ADAMTSL1: variants seen among roughly 807,000 people sequenced by gnomAD.
ADAMTSL1 encodes ADAMTS-like protein 1.
In ADAMTSL1, 126 loss-of-function variants were observed where a neutral mutation model predicts 201.8. The observed-to-expected ratio is 0.62, with a 90% confidence interval of 0.54 to 0.72. The LOEUF is 0.72. Among genes scored for constraint, ADAMTSL1 ranks in the 30% least tolerant of loss-of-function variants. The probability of loss-of-function intolerance (pLI) is 0.00; values close to 1 mark genes in which losing one functional copy is unlikely to be tolerated. For synonymous variants in ADAMTSL1, 1,121 were observed against 903.4 expected (o/e 1.24, Z -4.32); for missense variants, 2,679 against 2,277.8 (o/e 1.18, Z -3.59).
At chr9:18,275,955 G>A (rs1832571355) in intron 2 of ADAMTSL1, among the ~76,000 whole-genome samples, 1 of 151,976 alleles carries the variant, frequency 6.6e-6, no homozygotes, top group African/African-American at 2.4e-5. Flanking sequence ...TTCAAAAGTG[G>A]ATGTGCCATC....
At chr9:18,775,921 T>C in intron 18 of ADAMTSL1, 25 bp downstream of exon 18, 2 of 1,573,856 alleles carry the variant, frequency 1.3e-6, no homozygotes, top group South Asian at 2.3e-5. Context: ...GCTCTGGGAA[T>C]GGGGAGATGA....
chr9:18,883,806 C>T (rs1208388457), intron 23 of ADAMTSL1, among the ~76,000 whole-genome samples: 2 of 152,174 alleles, frequency 1.3e-5, no homozygotes, highest in Non-Finnish European at 2.9e-5. Context: ...TTTTGTTTAT[C>T]TACCCATTGA....
At chr9:18,877,335 G>T (rs1182814599) in intron 23 of ADAMTSL1, among the ~76,000 whole-genome samples, 3 of 152,112 alleles carry the variant, frequency 2.0e-5, no homozygotes, top group Non-Finnish European at 4.4e-5. Flanking sequence ...TTGTTTTTCT[G>T]GTTCCTTTTC....
intron 1 of ADAMTSL1, among the ~76,000 whole-genome samples, chr9:17,924,049 G>A (rs1310025977): frequency 8.0e-5 from 11 of 138,016 alleles, no homozygotes; most frequent in African/African-American, 3.0e-4. Flanking sequence ...GAGGATTTTT[G>A]CATCAATGTT....
chr9:18,434,915 T>A (rs1819657995), intron 2 of ADAMTSL1, among the ~76,000 whole-genome samples: 1 of 152,180 alleles, frequency 6.6e-6, no homozygotes, highest in Non-Finnish European at 1.5e-5. Flanking sequence ...GGTGTCTAAG[T>A]CAACTACTAG....
intron 15 of ADAMTSL1, among the ~76,000 whole-genome samples, chr9:18,746,076 C>T (rs532289455): frequency 1.3e-5 from 2 of 152,308 alleles, no homozygotes; most frequent in African/African-American, 2.4e-5. Flanking sequence ...AAGGCTGAGC[C>T]CTGGACATAC....
chr9:18,147,463 A>G (rs1826694633), intron 1 of ADAMTSL1, among the ~76,000 whole-genome samples: 1 of 152,086 alleles, frequency 6.6e-6, no homozygotes, highest in Non-Finnish European at 1.5e-5. Flanking sequence ...CAGCTCATTC[A>G]CTGCTTGGAA....
rs1830448498 is a variant in ADAMTSL1 at position 18,908,724 on chromosome 9, T to C, written c.*176T>C. 1 of 569,864 alleles carries C rather than the reference T, an allele frequency of 1.8e-6. No homozygotes were observed. The highest frequency in any genetic ancestry group is 1.9e-5 in the African/African-American group (1 of 52,724). 35.3% of individuals were successfully genotyped at this position (569,864 alleles called of 1,614,324 possible). A position where few individuals can be genotyped will look rare whatever the true frequency, so the allele number is the denominator to read the frequency against. ...AGCATAAGGACGTCCGCGTGTTTTC[T>C]CTTTCAGTTAGCTGGAGGACAGGAT... is the stretch of plus-strand genomic sequence containing the variant. On this transcript the variant is annotated 3_prime_UTR_variant, in exon 29 of 29. Coordinates refer to ENST00000380548, the MANE Select transcript of ADAMTSL1 (RefSeq NM_001040272.6).
intron 3 of ADAMTSL1, among the ~76,000 whole-genome samples, chr9:18,551,963 G>C (rs73425403): frequency 0.25 from 37,770 of 151,378 alleles, 5,410 homozygotes; most frequent in Admixed American, 0.34. Context: ...CATCTCTAAT[G>C]GTGTTTGGGA....
At chr9:18,074,907 C>A (rs1158005371) in intron 1 of ADAMTSL1, among the ~76,000 whole-genome samples, 1 of 152,130 alleles carries the variant, frequency 6.6e-6, no homozygotes, top group East Asian at 1.9e-4. Flanking sequence ...CATTGCATTT[C>A]CCCTCACTGG....
intron 2 of ADAMTSL1, among the ~76,000 whole-genome samples, chr9:18,283,939 A>T (rs968061048): frequency 6.8e-6 from 1 of 146,290 alleles, no homozygotes; most frequent in African/African-American, 2.5e-5. Flanking sequence ...AAGAAGAAGA[A>T]GAAGAAGAAG....
rs554366311 is a variant in ADAMTSL1, at chr9:18,743,921, T to A, written c.2007-9377T>A. On this transcript the variant is annotated intron_variant, in intron 15 of 28. Transcript: ENST00000380548. ...TAACTGCTTTTCTGACTTTGTCTAT[T>A]TCCCTCTCTCTGTAACCCTTCGTGA... 2.9e-3 allele frequency among the ~76,000 whole-genome samples: 441 copies of A among 152,326 alleles called. 2 individuals are homozygous for A. The highest frequency in any genetic ancestry group is 4.9e-3 in the Non-Finnish European group (335 of 68,024).
chr9:18,498,512 GT>G (rs1822653147), intron 1 of ADAMTSL1, among the ~76,000 whole-genome samples: 1 of 151,940 alleles, frequency 6.6e-6, no homozygotes, highest in Non-Finnish European at 1.5e-5. Flanking sequence ...AATTTTTTGT[GT>G]TTGTAGTAAC....
At chr9:18,462,934 A>G (rs1304473646) in intron 2 of ADAMTSL1, among the ~76,000 whole-genome samples, 1 of 151,924 alleles carries the variant, frequency 6.6e-6, no homozygotes, top group Non-Finnish European at 1.5e-5. Flanking sequence ...GTGAGAATCC[A>G]TCTCAAAAAA....
chr9:18,868,719 T>G (rs1827697113), intron 23 of ADAMTSL1, among the ~76,000 whole-genome samples: 1 of 152,232 alleles, frequency 6.6e-6, no homozygotes, highest in South Asian at 2.1e-4. Flanking sequence ...GGGCAAAATC[T>G]CAAGAGGAAT....
chr9:18,753,528 A>G lies in ADAMTSL1; in HGVS notation c.2217+20A>G. The G allele has an allele frequency of 6.3e-7, 1 of 1,599,354 alleles. No homozygotes were observed. The highest frequency in any genetic ancestry group is 8.5e-7 in the Non-Finnish European group (1 of 1,174,952). On this transcript the variant is annotated intron_variant, in intron 16 of 28. Transcript: ENST00000380548. ...CAGCCGGTGAGTTCTGAAGTTACTC[A>G]ATATTGGAGCTTTTGTTTGCAACAG...
chr9:18,665,392 A>G lies in ADAMTSL1; in HGVS notation c.1085+3319A>G, dbSNP rs554041399. Among the ~76,000 whole-genome samples the G allele has an allele frequency of 6.6e-5, 10 of 152,248 alleles. No individual in the cohort carries two copies. In the South Asian group the frequency reaches 1.9e-3, roughly 28 times the overall value. On this transcript the variant is annotated intron_variant, in intron 9 of 28. Transcript: ENST00000380548. ...TATATATTTTGGTCTTTTACACAAT[A>G]TAAAGCCTCCCAATGACCAGGATGT...
intron 2 of ADAMTSL1, among the ~76,000 whole-genome samples, chr9:18,199,329 A>T (rs12378891): frequency 1.8e-4 from 28 of 152,100 alleles, no homozygotes; most frequent in African/African-American, 6.7e-4. Context: ...GAATTGAAAT[A>T]TGCAGGTCAG....
chr9:18,503,120 G>A (rs1231745281), intron 1 of ADAMTSL1, among the ~76,000 whole-genome samples: 4 of 151,630 alleles, frequency 2.6e-5, no homozygotes, highest in Non-Finnish European at 4.4e-5. Flanking sequence ...CATTCACATT[G>A]TTTTGCAATC....
Sources: allele counts gnomAD v4.1 joint callset (sites outside exome capture counted in the v4.1 genomes callset), GRCh38; gene constraint gnomAD v4.1.1; transcripts MANE v1.5; gene names NCBI Gene and HGNC (gene_info 2026-07-23, HGNC 2026-07-21).